TYW1B: variants seen among roughly 807,000 people sequenced by gnomAD.
The protein encoded by TYW1B is tRNA-yW synthesizing protein 1 homolog B.
Under a neutral mutation model 86.9 loss-of-function variants are expected in TYW1B, and 73 were observed. The ratio of observed to expected loss-of-function variants is 0.84; its 90% CI spans 0.70 to 1.02. TYW1B has a LOEUF of 1.02. Among genes scored for constraint, TYW1B ranks in the 50% least tolerant of loss-of-function variants. TYW1B has a pLI of 0.00. For missense variants in TYW1B, 637 were observed against 827.4 expected, an observed-to-expected ratio of 0.77 and a Z score of 2.82; for synonymous variants, 248 against 292.8, an observed-to-expected ratio of 0.85 and a Z score of 1.56.
chr7:72,755,955 A>G (rs73145212), intron 7 of TYW1B, among the ~76,000 whole-genome samples: 142,246 of 152,156 alleles, frequency 0.93, 66,595 homozygotes, highest in African/African-American at 0.98. Flanking sequence ...GGGCAGTCCA[A>G]GAGAAAAATA....
rs1187928453 is a variant in TYW1B, at chr7:72,669,167, G to A, written c.1506+25520C>T. On this transcript the variant is annotated intron_variant, in intron 11 of 13. Coordinates refer to ENST00000620995, the MANE Select transcript of TYW1B (RefSeq NM_001145440.3). Reference sequence around the variant, plus strand: ...TTTTTTTTTTTTTTTTTTTGAGATGGAGTTTTGCTCCTGTTGTTCCAGGCT... The same window carrying A: ...TTTTTTTTTTTTTTTTTTTGAGATGAAGTTTTGCTCCTGTTGTTCCAGGCT... Among the ~76,000 whole-genome samples, 10 of 78,626 alleles carry A rather than the reference G, an allele frequency of 1.3e-4. No individual in the cohort carries two copies. In the Admixed American group the frequency reaches 1.5e-3, roughly 12 times the overall value. The allele number at this position is 78,626 out of a possible 152,430, so 51.6% of individuals were successfully genotyped here.
chr7:72,787,546 G>A (rs1788149961), intron 6 of TYW1B, among the ~76,000 whole-genome samples: 1 of 151,896 alleles, frequency 6.6e-6, no homozygotes, highest in East Asian at 1.9e-4. Context: ...CACAAGGTCA[G>A]TGGATCACAA....
chr7:72,716,219 G>A (rs1303383830), intron 9 of TYW1B, among the ~76,000 whole-genome samples: 1 of 152,216 alleles, frequency 6.6e-6, no homozygotes, highest in African/African-American at 2.4e-5. Flanking sequence ...TTACAGGCGT[G>A]AGCCACCATG....
At chr7:72,812,168 A>G (rs1788634047) in intron 3 of TYW1B, among the ~76,000 whole-genome samples, 1 of 150,852 alleles carries the variant, frequency 6.6e-6, no homozygotes, top group Non-Finnish European at 1.5e-5. Context: ...GCATATACAT[A>G]ATGATGTACC....
At chr7:72,711,996 A>G (rs1478778600) in intron 10 of TYW1B, among the ~76,000 whole-genome samples, 6 of 152,068 alleles carry the variant, frequency 3.9e-5, no homozygotes, top group African/African-American at 1.4e-4. Flanking sequence ...AAACACCAAT[A>G]CATAACAGAT....
At chr7:72,627,512 T>TAACAC (rs782405637) in intron 12 of TYW1B, among the ~76,000 whole-genome samples, 251 of 143,326 alleles carry the variant, frequency 1.8e-3, no homozygotes, top group African/African-American at 6.1e-3. Context: ...TAACATAACA[T>TAACAC]AAATAAAATA....
At chr7:72,685,720 A>C (rs536756314) in intron 11 of TYW1B, among the ~76,000 whole-genome samples, 28 of 152,342 alleles carry the variant, frequency 1.8e-4, no homozygotes, top group Admixed American at 1.8e-3. Context: ...ACGATAACAC[A>C]GGAGAAAGTC....
chr7:72,685,095 G>A (rs1324191425), intron 11 of TYW1B, among the ~76,000 whole-genome samples: 6 of 148,766 alleles, frequency 4.0e-5, no homozygotes, highest in African/African-American at 1.5e-4. Context: ...CTGGATGACA[G>A]AGTGAGACTC....
chr7:72,745,851 GGTGT>G (rs1162824267), intron 7 of TYW1B, among the ~76,000 whole-genome samples: 21,383 of 74,782 alleles, frequency 0.29, 1,839 homozygotes, highest in African/African-American at 0.3. Context: ...CGTGTATAGG[GGTGT>G]GTGTGTGTGT....
At chr7:72,790,025 G>A (rs1788193196) in intron 6 of TYW1B, among the ~76,000 whole-genome samples, 1 of 135,850 alleles carries the variant, frequency 7.4e-6, no homozygotes, top group Non-Finnish European at 1.5e-5. Context: ...TTGGCTCACT[G>A]CAACCTCCAC....
chr7:72,598,503 A>G (rs1811586793), intron 13 of TYW1B, among the ~76,000 whole-genome samples: 1 of 152,226 alleles, frequency 6.6e-6, no homozygotes, highest in Non-Finnish European at 1.5e-5. Context: ...GATGACAGGA[A>G]GAGTGGAGGT....
intron 11 of TYW1B, among the ~76,000 whole-genome samples, chr7:72,678,928 T>A (rs1255301312): frequency 6.6e-6 from 1 of 151,450 alleles, no homozygotes; most frequent in East Asian, 2.0e-4. Context: ...AGACTCCATC[T>A]GTACAAGTTA....
At chr7:72,805,784 C>T (rs1463305786) in intron 5 of TYW1B, among the ~76,000 whole-genome samples, 2 of 152,066 alleles carry the variant, frequency 1.3e-5, no homozygotes, top group African/African-American at 2.4e-5. Context: ...GGGTGCTAGA[C>T]AGATCATCCG....
chr7:72,764,953 A>G (rs372115317), intron 7 of TYW1B, among the ~76,000 whole-genome samples: 78 of 152,294 alleles, frequency 5.1e-4, no homozygotes, highest in Middle Eastern at 6.8e-3. Flanking sequence ...TTTCCTTCCT[A>G]TTGGATTCCT....
chr7:72,822,474 G>T (rs797029571), intron 2 of TYW1B, among the ~76,000 whole-genome samples: 6 of 152,250 alleles, frequency 3.9e-5, no homozygotes, highest in African/African-American at 1.2e-4. Context: ...CAAGGACAAA[G>T]AAATGATCCG....
At chr7:72,663,385 CG>C (rs1236918053) in intron 11 of TYW1B, among the ~76,000 whole-genome samples, 1 of 151,978 alleles carries the variant, frequency 6.6e-6, no homozygotes, top group Non-Finnish European at 1.5e-5. Context: ...TCAAACCACC[CG>C]GGTGCTCTTG....
At chr7:72,733,538 G>A (rs1223919151) in intron 8 of TYW1B, among the ~76,000 whole-genome samples, 1 of 152,166 alleles carries the variant, frequency 6.6e-6, no homozygotes, top group Non-Finnish European at 1.5e-5. Flanking sequence ...GCAGGCACCT[G>A]TAATCCCAGC....
intron 7 of TYW1B, among the ~76,000 whole-genome samples, chr7:72,767,449 C>T (rs1787789824): frequency 1.4e-5 from 2 of 143,814 alleles, no homozygotes; most frequent in Non-Finnish European, 3.1e-5. Context: ...ACTAAAAATA[C>T]AAAAAAAAAA....
intron 8 of TYW1B, among the ~76,000 whole-genome samples, chr7:72,735,070 A>AGT (rs1554460714): frequency 2.0e-5 from 3 of 152,178 alleles, no homozygotes; most frequent in African/African-American, 7.2e-5. Context: ...TAAAGCTAGA[A>AGT]CTACCATATG....
Sources: gnomAD v4.1 joint callset for allele counts (sites outside exome capture counted in the v4.1 genomes callset) on GRCh38, gnomAD v4.1.1 for gene constraint, MANE v1.5 for transcripts, NCBI Gene and HGNC (gene_info 2026-07-23, HGNC 2026-07-21) for gene names.